Variants in CLEC2D observed in about 807,000 individuals in gnomAD.
The protein encoded by CLEC2D is C-type lectin domain family 2 member D.
CLEC2D carries 16 observed loss-of-function variants against 20.0 expected under a neutral mutation model. The ratio of observed to expected loss-of-function variants is 0.80; its 90% CI spans 0.54 to 1.22. CLEC2D has a LOEUF of 1.22. Among genes scored for constraint, CLEC2D ranks in the 50% most tolerant of loss-of-function variants. The pLI is 0.00. For synonymous variants in CLEC2D, 77 were observed against 71.1 expected (o/e 1.08, Z -0.42); for missense variants, 207 against 221.5 (o/e 0.93, Z 0.42).
At chr12:9,688,529 C>T (rs1270205477) in intron 3 of CLEC2D, among the ~76,000 whole-genome samples, 1 of 152,116 alleles carries the variant, frequency 6.6e-6, no homozygotes, top group East Asian at 1.9e-4. Context: ...ATCAGCCTGG[C>T]CAACATGGTG....
Position 9,688,103 on chromosome 12 carries a change from G to T in CLEC2D, c.357+17G>T. On this transcript the variant is annotated intron_variant, in intron 3 of 4. Transcript: ENST00000290855. ...CAGGAACTGGTAAGAAAATAGTTCT[G>T]GCCAGAATCAAAGATTCAGCCCTAC... The T allele has an allele frequency of 6.4e-7, 1 of 1,553,542 alleles. No homozygotes were observed. The highest frequency in any genetic ancestry group is 8.7e-7 in the Non-Finnish European group (1 of 1,149,144).
chr12:9,686,600 A>T (rs1433176430), intron 2 of CLEC2D, among the ~76,000 whole-genome samples: 1 of 152,192 alleles, frequency 6.6e-6, no homozygotes, highest in Non-Finnish European at 1.5e-5. Flanking sequence ...GATAGTAATG[A>T]TTCTATGAAT....
In CLEC2D at chr12:9,696,212, A is replaced by T; in HGVS notation, c.*1338A>T. The stretch of plus-strand genomic sequence containing the variant: ...CAAGAGGCTATTCAAGATCTCTGGC[A>T]GTGGAGGAAGTCTCTTTAAGAAAAT... On this transcript the variant is annotated 3_prime_UTR_variant, in exon 5 of 5. Transcript: ENST00000290855. 1.2e-6 allele frequency: 1 copy of T among 845,056 alleles called. No individual in the cohort carries two copies. The highest frequency in any genetic ancestry group is 2.0e-6 in the Non-Finnish European group (1 of 495,648). 52.3% of individuals were successfully genotyped at this position (845,056 alleles called of 1,614,324 possible).
chr12:9,685,928 T>C (rs996972968), intron 2 of CLEC2D, among the ~76,000 whole-genome samples: 1 of 152,104 alleles, frequency 6.6e-6, no homozygotes. Context: ...GTTATCTTGG[T>C]GACTGCCCAA....
chr12:9,687,551 C>T (rs1001585625), intron 2 of CLEC2D, among the ~76,000 whole-genome samples: 2 of 152,190 alleles, frequency 1.3e-5, no homozygotes, highest in Non-Finnish European at 1.5e-5. Context: ...ACTTGGAGAA[C>T]TATCTGTTCT....
At chr12:9,675,179 A>G (rs1036645629) in intron 1 of CLEC2D, among the ~76,000 whole-genome samples, 1 of 127,564 alleles carries the variant, frequency 7.8e-6, no homozygotes, top group Non-Finnish European at 1.7e-5. Flanking sequence ...TCATTAATTT[A>G]TTTGTCTATT....
Position 9,669,790 on chromosome 12 carries a change from A to T in CLEC2D, c.56A>T (p.Asn19Ile), listed in dbSNP as rs769792910. Residue 19 changes from asparagine (N) to isoleucine (I), a missense_variant, in exon 1 of 5, where the codon AAC becomes ATC. Physicochemically the swap from Asn to Ile is moderately radical, Grantham distance 149. Transcript: ENST00000290855. ...ATTACACCATCTGAATTGCCTGCAA[A>T]CCCAGGTAAGAAGCTGGGCTCTACA... ...KDITPSELPA[N>I]PGCLHSKEHS... 1 of 1,613,114 alleles carries T rather than the reference A, an allele frequency of 6.2e-7. No individual in the cohort carries two copies. Among genetic ancestry groups the T allele is most frequent in the East Asian group, 2.2e-5 (1 of 44,870 alleles).
intron 1 of CLEC2D, 75 bp downstream of exon 1, chr12:9,669,870 G>T (rs1346295979): frequency 8.5e-7 from 1 of 1,178,834 alleles, no homozygotes; most frequent in South Asian, 1.3e-5. Flanking sequence ...GCTCACACAG[G>T]AAAGGTGCTG....
In CLEC2D at chr12:9,682,860, T is replaced by A. The variant is rs1278970317; in HGVS notation, c.172+1827T>A. On this transcript the variant is annotated intron_variant, in intron 2 of 4. Coordinates refer to ENST00000290855, the MANE Select transcript of CLEC2D (RefSeq NM_013269.6). The stretch of plus-strand genomic sequence containing the variant: ...GCATGTGTCTTTATAGTAGAATGAT[T>A]TATAATCCTTTGGGTATAGACCCAG... Among the ~76,000 whole-genome samples, 3 of 152,178 alleles carry A rather than the reference T, an allele frequency of 2.0e-5. No individual in the cohort carries two copies. The East Asian group carries it at 5.8e-4, about 29-fold the overall frequency.
intron 1 of CLEC2D, among the ~76,000 whole-genome samples, chr12:9,678,683 A>C (rs1472476109): frequency 6.6e-6 from 1 of 152,072 alleles, no homozygotes; most frequent in East Asian, 1.9e-4. Context: ...TATTACGGGC[A>C]TGTGCCACAA....
chr12:9,687,404 G>A (rs2120953323), intron 2 of CLEC2D, among the ~76,000 whole-genome samples: 1 of 152,274 alleles, frequency 6.6e-6, no homozygotes, highest in South Asian at 2.1e-4. Context: ...TGTGAGTGAT[G>A]GGGAGTGGCT....
At chr12:9,682,177 G>T (rs1478906976) in intron 2 of CLEC2D, among the ~76,000 whole-genome samples, 2 of 151,744 alleles carry the variant, frequency 1.3e-5, no homozygotes, top group Non-Finnish European at 2.9e-5. Flanking sequence ...TTCTAATCTG[G>T]TCATTTTCTT....
chr12:9,696,125 C>A lies in CLEC2D; in HGVS notation c.*1251C>A. On this transcript the variant is annotated 3_prime_UTR_variant, in exon 5 of 5. Coordinates refer to ENST00000290855, the MANE Select transcript of CLEC2D (RefSeq NM_013269.6). ...CAAGCAAGTATAGAAAAACGTGGTT[C>A]TCTTCCCAAAGTGGAAACCAAGTTC... The A allele has an allele frequency of 1.0e-6, 1 of 980,406 alleles. No individual in the cohort carries two copies. The highest frequency in any genetic ancestry group is 1.6e-6 in the Non-Finnish European group (1 of 617,570). 60.7% of individuals were successfully genotyped at this position (980,406 alleles called of 1,614,324 possible).
chr12:9,682,663 C>G (rs1255351185), intron 2 of CLEC2D, among the ~76,000 whole-genome samples: 1 of 152,130 alleles, frequency 6.6e-6, no homozygotes, highest in East Asian at 1.9e-4. Flanking sequence ...ATGATGGTTT[C>G]CAGTTTCATT....
chr12:9,684,214 C>A (rs1297782563), intron 2 of CLEC2D, among the ~76,000 whole-genome samples: 3 of 152,152 alleles, frequency 2.0e-5, no homozygotes, highest in Non-Finnish European at 4.4e-5. Context: ...GTGATTTTTG[C>A]ACATTGATTT....
At position 9,694,831 on chromosome 12, in the gene CLEC2D, CAGAG is replaced by C; in HGVS notation, c.536_539del (p.Glu179GlyfsTer23). On this transcript the variant is annotated frameshift_variant, in exon 5 of 5. Transcript: ENST00000290855. LOFTEE classifies it high-confidence loss of function. ...GGTGCCAGTAGTGCCAGGCACTACACAGAGAGGAAGTGGATTTGTTCCAAATCAG... is the reference window on the plus strand; with the variant it reads ...GGTGCCAGTAGTGCCAGGCACTACACAGGAAGTGGATTTGTTCCAAATCAG... 4 of 1,610,676 alleles carry C rather than the reference CAGAG, an allele frequency of 2.5e-6. No homozygotes were observed. Among genetic ancestry groups the C allele is most frequent in the East Asian group, 4.5e-5 (2 of 44,834 alleles).
At chr12:9,673,025 C>T (rs147405727) in intron 1 of CLEC2D, among the ~76,000 whole-genome samples, 2 of 152,186 alleles carry the variant, frequency 1.3e-5, no homozygotes, top group East Asian at 3.9e-4. Flanking sequence ...TTTAGCTCAG[C>T]GAAATTCGTT....
rs960700506 is a variant in CLEC2D, at chr12:9,697,250, C to G, written c.*2376C>G. On this transcript the variant is annotated 3_prime_UTR_variant, in exon 5 of 5. Coordinates refer to ENST00000290855, the MANE Select transcript of CLEC2D (RefSeq NM_013269.6). ...GGGAATGAGGGCAAGGAACACCTGG[C>G]CTGCCCAGGGTGGAAAACCACTTAA... The G allele has an allele frequency of 5.9e-5, 9 of 152,090 alleles. No homozygotes were observed. Among genetic ancestry groups the G allele is most frequent in the African/African-American group, 2.2e-4 (9 of 41,416 alleles). The allele number at this position is 152,090 out of a possible 1,614,324, so 9.4% of individuals were successfully genotyped here.
At chr12:9,674,423 G>T (rs904948028) in intron 1 of CLEC2D, among the ~76,000 whole-genome samples, 1 of 152,182 alleles carries the variant, frequency 6.6e-6, no homozygotes, top group African/African-American at 2.4e-5. Context: ...CTTCCTGTGG[G>T]TTGCACCAGC....
Sources: allele counts gnomAD v4.1 joint callset (sites outside exome capture counted in the v4.1 genomes callset), GRCh38; gene constraint gnomAD v4.1.1; transcripts MANE v1.5; gene names NCBI Gene and HGNC (gene_info 2026-07-23, HGNC 2026-07-21).